LEUTX: variants seen among roughly 807,000 people sequenced by gnomAD.
LEUTX encodes the protein leucine twenty homeobox.
In LEUTX, 5 loss-of-function variants were observed where a neutral mutation model predicts 4.5. The ratio of observed to expected loss-of-function variants is 1.11; its 90% CI spans 0.58 to 2.34. The LOEUF is 2.34. Among genes scored for constraint, LEUTX ranks in the 30% most tolerant of loss-of-function variants. LEUTX has a pLI of 0.01. For missense variants in LEUTX, 233 were observed against 239.4 expected (o/e 0.97, Z 0.18); for synonymous variants, 89 against 85.1 (o/e 1.05, Z -0.25).
Position 39,785,873 on chromosome 19 carries a change from A to T in LEUTX, c.335A>T (p.Asp112Val). 2 of 1,551,768 alleles carry T rather than the reference A, an allele frequency of 1.3e-6. No individual in the cohort carries two copies. Among genetic ancestry groups the T allele is most frequent in the Admixed American group, 3.9e-5 (2 of 51,008 alleles). ...AGTCCTGGAATCTCTGATGCAAATGACCATGATCTACGTGAGCCTTCTGGT... is the reference window on the plus strand; with the variant it reads ...AGTCCTGGAATCTCTGATGCAAATGTCCATGATCTACGTGAGCCTTCTGGT... The part of the protein sequence containing the change: ...PVSPGISDAN[D>V]HDLREPSGIK... Residue 112 changes from aspartate (D) to valine (V), a missense_variant, in exon 3 of 3, where the codon GAC (aspartate) becomes GTC (valine). Coordinates refer to ENST00000638280, the MANE Select transcript of LEUTX (RefSeq NM_001382345.1).
intron 1 of LEUTX, among the ~76,000 whole-genome samples, chr19:39,780,506 A>C (rs1007993141): frequency 4.6e-5 from 7 of 152,082 alleles, no homozygotes; most frequent in Non-Finnish European, 8.8e-5. Flanking sequence ...TCAAATCTTG[A>C]ATTTTTTTTA....
At chr19:39,782,461 C>G (rs1304228943) in intron 1 of LEUTX, among the ~76,000 whole-genome samples, 3 of 152,148 alleles carry the variant, frequency 2.0e-5, no homozygotes, top group Non-Finnish European at 4.4e-5. Context: ...TGCTTTCCAC[C>G]ATGATTGTGA....
At chr19:39,782,211 T>A (rs1262484661) in intron 1 of LEUTX, among the ~76,000 whole-genome samples, 2 of 152,270 alleles carry the variant, frequency 1.3e-5, no homozygotes, top group African/African-American at 4.8e-5. Context: ...ACTATTCTAT[T>A]CTATCTCAAT....
intron 2 of LEUTX, among the ~76,000 whole-genome samples, 161 bp downstream of exon 2, chr19:39,784,839 A>G (rs1967940433): frequency 6.6e-6 from 1 of 152,192 alleles, no homozygotes; most frequent in Admixed American, 6.5e-5. Flanking sequence ...CACTTTATTG[A>G]GGAACACTAA....
chr19:39,785,730 G>A lies in LEUTX; in HGVS notation c.192G>A (p.Lys64=). ...TCAAGAACCAGCGTGCCAAATGGAA[G>A]AGGCAGCAGCGGCAGCAAATGCAGA... ...IWFKNQRAKW[K]RQQRQQMQTR... The change falls in exon 3 of 3, where the codon AAG becomes AAA. Residue 64 remains lysine (K), a synonymous_variant. Coordinates refer to ENST00000638280, the MANE Select transcript of LEUTX (RefSeq NM_001382345.1). The A allele has an allele frequency of 6.4e-7, 1 of 1,551,900 alleles. No homozygotes were observed.
At chr19:39,785,586 C>T (rs1967954256) in intron 2 of LEUTX, 112 bp from the exon 3 acceptor site, 1 of 791,504 alleles carries the variant, frequency 1.3e-6, no homozygotes, top group South Asian at 1.9e-5. Context: ...TTCCCTTGTT[C>T]CAATAAATGT....
intron 1 of LEUTX, among the ~76,000 whole-genome samples, chr19:39,780,138 A>C (rs1420816286): frequency 6.6e-6 from 1 of 152,232 alleles, no homozygotes; most frequent in Non-Finnish European, 1.5e-5. Context: ...TCACTTATCA[A>C]AACTTGTACC....
At chr19:39,781,074 T>C (rs59698414) in intron 1 of LEUTX, among the ~76,000 whole-genome samples, 9,937 of 152,084 alleles carry the variant, frequency 0.065, 1,072 homozygotes, top group African/African-American at 0.23. Context: ...TCTCTTCCAC[T>C]TTCCCTTTCT....
intron 2 of LEUTX, 129 bp downstream of exon 2, chr19:39,784,807 T>C: frequency 1.5e-6 from 1 of 654,186 alleles, no homozygotes; most frequent in Non-Finnish European, 2.6e-6. Context: ...AAGCACTTTA[T>C]ATTTTTATTG....
At chr19:39,778,320 C>G (rs1306084550), upstream of LEUTX, among the ~76,000 whole-genome samples, 1 of 152,190 alleles carries the variant, frequency 6.6e-6, no homozygotes, top group Non-Finnish European at 1.5e-5. Context: ...AGAGAAGATA[C>G]AAGATCCCCT....
In LEUTX at chr19:39,785,740, C is replaced by A. The variant is rs376692805; in HGVS notation, c.202C>A (p.Arg68=). 6.4e-7 allele frequency: 1 copy of A among 1,551,642 alleles called. No homozygotes were observed. The highest frequency in any genetic ancestry group is 8.7e-7 in the Non-Finnish European group (1 of 1,147,008). The change falls in exon 3 of 3, where the codon CGG becomes AGG. Residue 68 remains arginine (R), a synonymous_variant. Coordinates refer to ENST00000638280, the MANE Select transcript of LEUTX (RefSeq NM_001382345.1). Reference sequence around the variant, plus strand: ...GCGTGCCAAATGGAAGAGGCAGCAGCGGCAGCAAATGCAGACACGGCCATC... The same window carrying A: ...GCGTGCCAAATGGAAGAGGCAGCAGAGGCAGCAAATGCAGACACGGCCATC... The part of the protein sequence containing the change: ...NQRAKWKRQQ[R]QQMQTRPSLG...
chr19:39,783,254 A>C (rs1967914097), intron 1 of LEUTX, among the ~76,000 whole-genome samples: 1 of 146,762 alleles, frequency 6.8e-6, no homozygotes, highest in Non-Finnish European at 1.5e-5. Context: ...ATTTATATAT[A>C]TATAAATTAT....
chr19:39,781,942 C>G (rs1019166686), intron 1 of LEUTX, among the ~76,000 whole-genome samples: 1 of 152,106 alleles, frequency 6.6e-6, no homozygotes, highest in Non-Finnish European at 1.5e-5. Context: ...CGGAGGCAAA[C>G]AGTATAAGTG....
At chr19:39,783,665 AT>A (rs527738364) in intron 1 of LEUTX, among the ~76,000 whole-genome samples, 3 of 149,818 alleles carry the variant, frequency 2.0e-5, no homozygotes, top group Admixed American at 6.7e-5. Context: ...GCCAACATCT[AT>A]TTTTTTTTAT....
At chr19:39,777,724 C>T (rs141050418), upstream of LEUTX, among the ~76,000 whole-genome samples, 30 of 152,246 alleles carry the variant, frequency 2.0e-4, no homozygotes, top group East Asian at 1.2e-3. Context: ...CAAGGCTGGA[C>T]GATCTCTTGA....
At chr19:39,779,477 T>G (rs1334202689) in intron 1 of LEUTX, among the ~76,000 whole-genome samples, 1 of 152,208 alleles carries the variant, frequency 6.6e-6, no homozygotes, top group East Asian at 1.9e-4. Flanking sequence ...TATGCTAATT[T>G]TTATATTTAT....
intron 1 of LEUTX, among the ~76,000 whole-genome samples, chr19:39,782,863 A>T (rs1048601852): frequency 1.3e-5 from 2 of 152,084 alleles, no homozygotes; most frequent in African/African-American, 4.8e-5. Flanking sequence ...TTTGCATTCT[A>T]ATAAAACATT....
chr19:39,782,187 G>A (rs1439285596), intron 1 of LEUTX, among the ~76,000 whole-genome samples: 1 of 152,114 alleles, frequency 6.6e-6, no homozygotes, highest in Non-Finnish European at 1.5e-5. Flanking sequence ...TAAACCTGGT[G>A]TCAACATCAT....
chr19:39,782,879 A>AT (rs374783681), intron 1 of LEUTX, among the ~76,000 whole-genome samples: 23 of 151,632 alleles, frequency 1.5e-4, no homozygotes, highest in East Asian at 3.9e-4. Context: ...ACATTTTTAA[A>AT]TTTTTTTTTG....
Sources: gnomAD v4.1 joint callset for allele counts (sites outside exome capture counted in the v4.1 genomes callset) on GRCh38, gnomAD v4.1.1 for gene constraint, MANE v1.5 for transcripts, NCBI Gene and HGNC (gene_info 2026-07-23, HGNC 2026-07-21) for gene names.